The following JHY variants were observed in gnomAD, a reference collection of about 807,000 sequenced individuals.
JHY encodes the protein junctional cadherin complex regulator, also known as jhy protein homolog.
JHY carries 69 observed loss-of-function variants against 78.0 expected under a neutral mutation model. The ratio of observed to expected loss-of-function variants is 0.88; its 90% CI spans 0.73 to 1.08. The LOEUF (loss-of-function observed/expected upper bound fraction) is 1.08, where lower values mean the gene tolerates loss of function less well. Among genes scored for constraint, JHY ranks in the 50% least tolerant of loss-of-function variants. The pLI is 0.00. For missense variants in JHY, 944 were observed against 927.8 expected (o/e 1.02, Z -0.23); for synonymous variants, 368 against 342.6 (o/e 1.07, Z -0.82).
At chr11:122,903,863 T>G in intron 2 of JHY, 62 bp from the exon 3 acceptor site, 1 of 1,503,192 alleles carries the variant, frequency 6.7e-7, no homozygotes, top group East Asian at 2.3e-5. Flanking sequence ...AATGTTCAAC[T>G]GACTATAATG....
chr11:122,960,998 C>A lies in JHY; in HGVS notation c.*1553C>A. Reference sequence around the variant, plus strand: ...ACATGATAAATTGGGTGCAGAGCATCTCTGCACAACAGGAAAAGGAGACAA... The same window carrying A: ...ACATGATAAATTGGGTGCAGAGCATATCTGCACAACAGGAAAAGGAGACAA... On this transcript the variant is annotated 3_prime_UTR_variant, in exon 9 of 9. Coordinates refer to ENST00000227349, the MANE Select transcript of JHY (RefSeq NM_024806.4). The A allele has an allele frequency of 1.1e-6, 1 of 917,456 alleles. No individual in the cohort carries two copies. The highest frequency in any genetic ancestry group is 1.8e-6 in the Non-Finnish European group (1 of 557,904). The allele number at this position is 917,456 out of a possible 1,614,324, so 56.8% of individuals were successfully genotyped here.
chr11:122,925,032 T>C, intron 4 of JHY, 22 bp downstream of exon 4: 1 of 1,549,318 alleles, frequency 6.5e-7, no homozygotes, highest in South Asian at 1.1e-5. Flanking sequence ...GATTGCATTT[T>C]AAGTGTGTTT....
At chr11:122,891,125 T>C (rs1862606508) in intron 2 of JHY, among the ~76,000 whole-genome samples, 1 of 152,174 alleles carries the variant, frequency 6.6e-6, no homozygotes, top group Non-Finnish European at 1.5e-5. Context: ...GGCTTTTATG[T>C]CTGTAAAGTA....
rs1864343452 is a variant in JHY, at chr11:122,962,928, G to A, written c.*3483G>A. On this transcript the variant is annotated 3_prime_UTR_variant, in exon 9 of 9. Coordinates refer to ENST00000227349, the MANE Select transcript of JHY (RefSeq NM_024806.4). ...ACTTTTTATTTGTCTATGGAAAGAGGTTGTCCTTGTTTCTCTGTGTGGATG... is the reference window on the plus strand; with the variant it reads ...ACTTTTTATTTGTCTATGGAAAGAGATTGTCCTTGTTTCTCTGTGTGGATG... 6.6e-6 allele frequency among the ~76,000 whole-genome samples: 1 copy of A among 152,058 alleles called. No individual in the cohort carries two copies. The highest frequency in any genetic ancestry group is 2.4e-5 in the African/African-American group (1 of 41,404).
chr11:122,926,736 G>A (rs192759830), intron 4 of JHY, among the ~76,000 whole-genome samples: 105 of 152,300 alleles, frequency 6.9e-4, no homozygotes, highest in Non-Finnish European at 5.1e-4. Context: ...ACTGGGTCAC[G>A]AGAGATGAAT....
chr11:122,942,470 C>A (rs1863892764), intron 5 of JHY, among the ~76,000 whole-genome samples: 1 of 152,190 alleles, frequency 6.6e-6, no homozygotes, highest in South Asian at 2.1e-4. Context: ...GTCACCCAGG[C>A]TGGAGTGCAT....
intron 7 of JHY, among the ~76,000 whole-genome samples, chr11:122,957,036 A>G (rs1231302217): frequency 2.6e-5 from 4 of 152,188 alleles, no homozygotes; most frequent in Non-Finnish European, 2.9e-5. Flanking sequence ...CTCAAGGCAT[A>G]AAAAGAGAGT....
chr11:122,893,329 A>G (rs1198816024), intron 2 of JHY, among the ~76,000 whole-genome samples: 1 of 152,216 alleles, frequency 6.6e-6, no homozygotes, highest in Non-Finnish European at 1.5e-5. Flanking sequence ...TGCCATCGTA[A>G]CAGATGAGCA....
Position 122,904,398 on chromosome 11 carries a change from A to C in JHY, c.818A>C (p.Tyr273Ser), listed in dbSNP as rs1426671277. 2 of 1,614,006 alleles carry C rather than the reference A, an allele frequency of 1.2e-6. No homozygotes were observed. The highest frequency in any genetic ancestry group is 2.2e-5 in the South Asian group (2 of 91,082). Residue 273 changes from tyrosine (Y) to serine (S), a missense_variant, in exon 3 of 9, where the codon TAT becomes TCT. Coordinates refer to ENST00000227349, the MANE Select transcript of JHY (RefSeq NM_024806.4). ...LGLPTPKTDSYLQLHNKKRGE... is the reference protein window; with the variant it reads ...LGLPTPKTDSSLQLHNKKRGE... The stretch of plus-strand genomic sequence containing the variant: ...TTACCCACCCCGAAAACGGACTCTT[A>C]TCTTCAACTTCACAATAAAAAAAGA...
intron 3 of JHY, among the ~76,000 whole-genome samples, chr11:122,911,250 C>A (rs1245809559): frequency 6.6e-6 from 1 of 152,020 alleles, no homozygotes; most frequent in Non-Finnish European, 1.5e-5. Flanking sequence ...TTGACTTTTT[C>A]CTTGTAATTT....
chr11:122,953,927 C>A (rs945391856), intron 6 of JHY, among the ~76,000 whole-genome samples: 3 of 152,134 alleles, frequency 2.0e-5, no homozygotes, highest in Admixed American at 6.5e-5. Context: ...TTCTATTTTA[C>A]AGAACTTTGA....
chr11:122,918,832 G>GT (rs1863290725), intron 3 of JHY, among the ~76,000 whole-genome samples: 1 of 147,402 alleles, frequency 6.8e-6, no homozygotes, highest in Non-Finnish European at 1.5e-5. Flanking sequence ...CAGCAAGACA[G>GT]CCCTGCACAT....
intron 3 of JHY, among the ~76,000 whole-genome samples, chr11:122,910,038 G>T (rs1028091115): frequency 6.6e-6 from 1 of 152,070 alleles, no homozygotes; most frequent in Admixed American, 6.6e-5. Context: ...TCTGTCATTT[G>T]GGGAGTAAAT....
intron 2 of JHY, among the ~76,000 whole-genome samples, chr11:122,893,839 T>G (rs1225571445): frequency 2.0e-5 from 3 of 152,082 alleles, no homozygotes; most frequent in Non-Finnish European, 4.4e-5. Flanking sequence ...CTGTCAAAGG[T>G]CAGCCCATTC....
chr11:122,933,669 T>G (rs1267438408), intron 4 of JHY, among the ~76,000 whole-genome samples: 4 of 152,216 alleles, frequency 2.6e-5, no homozygotes, highest in Admixed American at 2.6e-4. Context: ...GCACAGGCTC[T>G]TTTATAATCC....
intron 3 of JHY, chr11:122,905,253 G>A: frequency 6.2e-7 from 1 of 1,613,894 alleles, no homozygotes; most frequent in Non-Finnish European, 8.5e-7. Flanking sequence ...TTTCACAGGT[G>A]CACATAAAGA....
rs374339168 is a variant in JHY at position 122,961,299 on chromosome 11, A to G, written c.*1854A>G. 6.1e-4 allele frequency among the ~76,000 whole-genome samples: 89 copies of G among 146,410 alleles called. 1 individual carries two copies. In the South Asian group the frequency reaches 0.019, roughly 32 times the overall value. On this transcript the variant is annotated 3_prime_UTR_variant, in exon 9 of 9. Coordinates refer to ENST00000227349, the MANE Select transcript of JHY (RefSeq NM_024806.4). Reference sequence around the variant, plus strand: ...TCTTACTCAGCATTTGAGTTGTTCCATGATCATTTTTTTATTGTTGTTTTT... The same window carrying G: ...TCTTACTCAGCATTTGAGTTGTTCCGTGATCATTTTTTTATTGTTGTTTTT...
At chr11:122,939,938 C>A (rs1166194512) in intron 5 of JHY, among the ~76,000 whole-genome samples, 1 of 147,862 alleles carries the variant, frequency 6.8e-6, no homozygotes, top group Non-Finnish European at 1.5e-5. Flanking sequence ...AATTGTATTA[C>A]TTGTCTCCAA....
At chr11:122,887,692 G>A (rs531579649) in intron 2 of JHY, among the ~76,000 whole-genome samples, 1 of 152,178 alleles carries the variant, frequency 6.6e-6, no homozygotes, top group East Asian at 1.9e-4. Flanking sequence ...AACTTGGACA[G>A]GGTCTTGAAA....
Sources: gnomAD v4.1 joint callset for allele counts (sites outside exome capture counted in the v4.1 genomes callset) on GRCh38, gnomAD v4.1.1 for gene constraint, MANE v1.5 for transcripts, NCBI Gene and HGNC (gene_info 2026-07-23, HGNC 2026-07-21) for gene names.